Variants in EBF3 observed in about 807,000 individuals in gnomAD.
EBF3 encodes transcription factor COE3.
In EBF3, 18 loss-of-function variants were observed where a neutral mutation model predicts 77.1. The ratio of observed to expected loss-of-function variants is 0.23; its 90% CI spans 0.16 to 0.35. The LOEUF (loss-of-function observed/expected upper bound fraction) is 0.35, where lower values mean the gene tolerates loss of function less well. Among genes scored for constraint, EBF3 ranks in the 10% least tolerant of loss-of-function variants. EBF3 has a pLI of 1.00. For synonymous variants in EBF3, 350 were observed against 343.5 expected (o/e 1.02, Z -0.21); for missense variants, 558 against 860.0 (o/e 0.65, Z 4.39).
In EBF3 at chr10:129,944,510, G is replaced by A. The variant is rs1006848295; in HGVS notation, c.554+12748C>T. Among the ~76,000 whole-genome samples, 1 of 152,168 alleles carries A rather than the reference G, an allele frequency of 6.6e-6. No homozygotes were observed. Among genetic ancestry groups the A allele is most frequent in the African/African-American group, 2.4e-5 (1 of 41,422 alleles). On this transcript the variant is annotated intron_variant, in intron 6 of 16. Coordinates refer to ENST00000440978, the MANE Select transcript of EBF3 (RefSeq NM_001375380.1). This position sits in a 1 kb window ranked among gnomAD's most constrained non-coding sequence, Gnocchi z 5.1. ...TAAGTCAGATGAATTAATATAGGCG[G>A]TGTAGGACCTCTCTTGCCACTGATC...
intron 6 of EBF3, among the ~76,000 whole-genome samples, chr10:129,890,424 G>T (rs746942891): frequency 6.6e-6 from 1 of 152,220 alleles, no homozygotes; most frequent in Non-Finnish European, 1.5e-5. Context: ...GGGCAAATCG[G>T]CAAAGATGAT....
intron 7 of EBF3, among the ~76,000 whole-genome samples, chr10:129,876,391 T>A (rs1425626501): frequency 6.6e-6 from 1 of 152,196 alleles, no homozygotes; most frequent in Non-Finnish European, 1.5e-5. Flanking sequence ...TGACTTCCAT[T>A]CTGCTTAGAA....
At position 129,861,073 on chromosome 10, in the gene EBF3, C is replaced by T. The variant is rs971895639; in HGVS notation, c.1039+6068G>A. Among the ~76,000 whole-genome samples, 4 of 152,244 alleles carry T rather than the reference C, an allele frequency of 2.6e-5. No homozygotes were observed. Among genetic ancestry groups the T allele is most frequent in the African/African-American group, 9.6e-5 (4 of 41,474 alleles). On this transcript the variant is annotated intron_variant, in intron 10 of 16. Coordinates refer to ENST00000440978, the MANE Select transcript of EBF3 (RefSeq NM_001375380.1). The surrounding 1 kb of genome is among the most constrained non-coding windows in gnomAD (Gnocchi z 4.3). ...GACCCTGGAAGCCCTCCCGGCCCCA[C>T]TCTTCAAAGGGCCGTGTTATCGAAT...
At chr10:129,851,882 A>T (rs1189542676) in intron 10 of EBF3, among the ~76,000 whole-genome samples, 1 of 152,228 alleles carries the variant, frequency 6.6e-6, no homozygotes, top group Non-Finnish European at 1.5e-5. Flanking sequence ...CAAATACATT[A>T]TTCGTCCTTT....
rs531139556 is a variant in EBF3 at position 129,948,873 on chromosome 10, T to G, written c.554+8385A>C. Among the ~76,000 whole-genome samples, 3 of 152,290 alleles carry G rather than the reference T, an allele frequency of 2.0e-5. No homozygotes were observed. The South Asian group carries it at 6.2e-4, about 32-fold the overall frequency. On this transcript the variant is annotated intron_variant, in intron 6 of 16. Coordinates refer to ENST00000440978, the MANE Select transcript of EBF3 (RefSeq NM_001375380.1). ...GCATCTCCCAGTCCTTCCTCCTGAC[T>G]ATGGGATGTCATTCTGCAGAGCCGG...
chr10:129,882,379 C>A (rs1170177184), intron 6 of EBF3, among the ~76,000 whole-genome samples: 1 of 152,190 alleles, frequency 6.6e-6, no homozygotes, highest in Non-Finnish European at 1.5e-5. Context: ...ACAAAGGAGG[C>A]TGTTTAATTG....
At chr10:129,960,431 G>A (rs1008896026) in intron 4 of EBF3, among the ~76,000 whole-genome samples, 60 of 152,216 alleles carry the variant, frequency 3.9e-4, no homozygotes, top group African/African-American at 1.4e-3. Flanking sequence ...GGGTGTCACC[G>A]CAGGCCAACG....
chr10:129,873,046 A>G (rs1852514112), intron 8 of EBF3, among the ~76,000 whole-genome samples: 1 of 152,184 alleles, frequency 6.6e-6, no homozygotes, highest in African/African-American at 2.4e-5. Context: ...AGCCAGGGAC[A>G]GGAAATGGTC....
At chr10:129,905,846 T>A (rs921261824) in intron 6 of EBF3, among the ~76,000 whole-genome samples, 1 of 152,182 alleles carries the variant, frequency 6.6e-6, no homozygotes, top group Non-Finnish European at 1.5e-5. Flanking sequence ...CGAGGTGACA[T>A]TTGTTTCATT....
At position 129,943,257 on chromosome 10, in the gene EBF3, C is replaced by G. The variant is rs1857916129; in HGVS notation, c.554+14001G>C. ...CAGCGGCTCTCCACAAACAAATAAA[C>G]AGCAAATACTTACAGGAGACAGCCT... On this transcript the variant is annotated intron_variant, in intron 6 of 16. Coordinates refer to ENST00000440978, the MANE Select transcript of EBF3 (RefSeq NM_001375380.1). The surrounding 1 kb of genome is among the most constrained non-coding windows in gnomAD (Gnocchi z 8.8). Among the ~76,000 whole-genome samples the G allele has an allele frequency of 6.6e-6, 1 of 152,228 alleles. No individual in the cohort carries two copies.
At chr10:129,924,185 C>A (rs970061875) in intron 6 of EBF3, among the ~76,000 whole-genome samples, 1 of 152,162 alleles carries the variant, frequency 6.6e-6, no homozygotes, top group African/African-American at 2.4e-5. Context: ...GAGGCCAAGG[C>A]AGGTGGATCA....
intron 10 of EBF3, among the ~76,000 whole-genome samples, chr10:129,858,941 G>A (rs899885097): frequency 6.6e-6 from 1 of 152,214 alleles, no homozygotes; most frequent in Non-Finnish European, 1.5e-5. Context: ...TTGCACCAAT[G>A]CTGACCAAAA....
rs982652875 is a variant in EBF3, at chr10:129,946,125, C to G, written c.554+11133G>C. Among the ~76,000 whole-genome samples the G allele has an allele frequency of 1.3e-5, 2 of 152,132 alleles. 1 individual carries two copies. Among genetic ancestry groups the G allele is most frequent in the South Asian group, 4.1e-4 (2 of 4,826 alleles). On this transcript the variant is annotated intron_variant, in intron 6 of 16. Transcript: ENST00000440978. ...TAAATCAAAACATGATTAAAAAGAC[C>G]GTAGCCGTTTTAAAATCACATGCCC...
intron 6 of EBF3, among the ~76,000 whole-genome samples, chr10:129,934,270 C>A (rs1257050086): frequency 6.6e-6 from 1 of 151,930 alleles, no homozygotes; most frequent in African/African-American, 2.4e-5. Flanking sequence ...TTCCAGGCAG[C>A]GACATCACGC....
At chr10:129,889,944 GC>G (rs1280000859) in intron 6 of EBF3, among the ~76,000 whole-genome samples, 2 of 124,626 alleles carry the variant, frequency 1.6e-5, no homozygotes, top group South Asian at 2.7e-4. Flanking sequence ...CCATTGAAGT[GC>G]CTTTTTTTTT....
At chr10:129,921,274 G>A (rs932262780) in intron 6 of EBF3, among the ~76,000 whole-genome samples, 1 of 152,122 alleles carries the variant, frequency 6.6e-6, no homozygotes, top group African/African-American at 2.4e-5. Flanking sequence ...CACTGCAGTG[G>A]GGCCATCCTG....
intron 6 of EBF3, among the ~76,000 whole-genome samples, chr10:129,936,484 C>T (rs1229908257): frequency 6.6e-6 from 1 of 152,218 alleles, no homozygotes; most frequent in African/African-American, 2.4e-5. Flanking sequence ...AGGGGACCCT[C>T]GGCCTGTGTG....
chr10:129,953,369 G>A (rs1188976464), intron 6 of EBF3, among the ~76,000 whole-genome samples: 1 of 152,198 alleles, frequency 6.6e-6, no homozygotes, highest in East Asian at 1.9e-4. Flanking sequence ...TATAACAGCT[G>A]TTAAATATGA....
At chr10:129,942,393 G>A (rs566646533) in intron 6 of EBF3, among the ~76,000 whole-genome samples, 4 of 152,196 alleles carry the variant, frequency 2.6e-5, no homozygotes, top group South Asian at 2.1e-4. Context: ...CTGACGCTGG[G>A]GGAAAGGCCT....
Sources: allele counts gnomAD v4.1 joint callset (sites outside exome capture counted in the v4.1 genomes callset), GRCh38; gene constraint gnomAD v4.1.1; non-coding constraint Gnocchi (gnomAD v3.1); transcripts MANE v1.5; gene names NCBI Gene and HGNC (gene_info 2026-07-23, HGNC 2026-07-21).